Variants in DRC11 observed in about 807,000 individuals in gnomAD.
DRC11 encodes the protein dynein regulatory complex subunit 11.
chr2:236,465,893 G>C, the DRC11 span, among the ~76,000 whole-genome samples: 1 of 152,146 alleles, frequency 6.6e-6, no homozygotes, highest in Non-Finnish European at 1.5e-5. The surrounding 1 kb of genome is among the most constrained non-coding windows in gnomAD (Gnocchi z 6.2). Flanking sequence ...TTAATCCAAA[G>C]TCCCTGACAT....
chr2:236,480,692 T>G, the DRC11 span, among the ~76,000 whole-genome samples: 1 of 152,246 alleles, frequency 6.6e-6, no homozygotes, highest in Non-Finnish European at 1.5e-5. Context: ...ATTGATCTGA[T>G]GGCACACATG....
the DRC11 span, chr2:236,368,176 C>T: frequency 3.0e-5 from 45 of 1,481,814 alleles, 1 homozygote; most frequent in East Asian, 1.4e-4. Flanking sequence ...GGCACATCCG[C>T]GCACGCCGAG....
the DRC11 span, among the ~76,000 whole-genome samples, chr2:236,503,039 T>C: frequency 1.3e-5 from 2 of 152,176 alleles, no homozygotes; most frequent in Admixed American, 1.3e-4. This position sits in a 1 kb window ranked among gnomAD's most constrained non-coding sequence, Gnocchi z 4.9. Flanking sequence ...TCAGTAACAA[T>C]AGACTAAAGA....
the DRC11 span, among the ~76,000 whole-genome samples, chr2:236,492,580 T>A: frequency 2.0e-5 from 3 of 152,362 alleles, no homozygotes; most frequent in African/African-American, 7.2e-5. Flanking sequence ...TTACTCATAG[T>A]GCCCCTTTCA....
At chr2:236,344,529 C>CAAA in the DRC11 span, 1 of 1,567,760 alleles carries the variant, frequency 6.4e-7, no homozygotes, top group Admixed American at 1.7e-5. Flanking sequence ...AAAGAAAAGG[C>CAAA]AAAAGTAAGG....
the DRC11 span, chr2:236,346,635 A>C: frequency 7.7e-5 from 13 of 169,240 alleles, no homozygotes; most frequent in Non-Finnish European, 1.6e-4. Context: ...GTGGGGAGCT[A>C]GTCGGGCATG....
the DRC11 span, among the ~76,000 whole-genome samples, chr2:236,445,702 A>C: frequency 2.0e-5 from 3 of 152,142 alleles, no homozygotes; most frequent in Non-Finnish European, 4.4e-5. This position sits in a 1 kb window ranked among gnomAD's most constrained non-coding sequence, Gnocchi z 4.8. Flanking sequence ...AATTAGTCAT[A>C]ATCTGAAATT....
chr2:236,357,034 TATATTC>T, the DRC11 span, among the ~76,000 whole-genome samples: 1 of 97,790 alleles, frequency 1.0e-5, no homozygotes, highest in Non-Finnish European at 2.3e-5. Flanking sequence ...TATATATTTA[TATATTC>T]ATATATTATA....
At chr2:236,307,733 G>A in the DRC11 span, among the ~76,000 whole-genome samples, 1 of 152,274 alleles carries the variant, frequency 6.6e-6, no homozygotes, top group East Asian at 1.9e-4. The surrounding 1 kb of genome is among the most constrained non-coding windows in gnomAD (Gnocchi z 7.0). Flanking sequence ...CGGTGTTGAG[G>A]GTGTGGAATT....
chr2:236,377,278 A>G, the DRC11 span: 2 of 712,580 alleles, frequency 2.8e-6, no homozygotes, highest in South Asian at 3.8e-5. This position sits in a 1 kb window ranked among gnomAD's most constrained non-coding sequence, Gnocchi z 4.9. Context: ...AACTTAAACC[A>G]GATCTATTTC....
chr2:236,387,989 C>T, the DRC11 span, among the ~76,000 whole-genome samples: 1 of 151,956 alleles, frequency 6.6e-6, no homozygotes, highest in Non-Finnish European at 1.5e-5. Flanking sequence ...GAATATTGGC[C>T]CCCACTCTCT....
the DRC11 span, among the ~76,000 whole-genome samples, chr2:236,380,192 G>A: frequency 1.3e-4 from 20 of 152,238 alleles, no homozygotes; most frequent in African/African-American, 4.8e-4. This position sits in a 1 kb window ranked among gnomAD's most constrained non-coding sequence, Gnocchi z 4.9. Flanking sequence ...CATTCCTTCC[G>A]CGGCAGGAGC....
chr2:236,324,940 T>G, the DRC11 span, among the ~76,000 whole-genome samples: 1 of 152,228 alleles, frequency 6.6e-6, no homozygotes, highest in Non-Finnish European at 1.5e-5. The surrounding 1 kb of genome is among the most constrained non-coding windows in gnomAD (Gnocchi z 5.7). Context: ...TCTCAGTGGG[T>G]TTTCCAGACT....
chr2:236,383,181 G>C, the DRC11 span, among the ~76,000 whole-genome samples: 1 of 152,068 alleles, frequency 6.6e-6, no homozygotes, highest in African/African-American at 2.4e-5. Flanking sequence ...GGTCTTGGTA[G>C]GTTGTATATT....
At chr2:236,501,197 C>A in the DRC11 span, among the ~76,000 whole-genome samples, 10 of 152,066 alleles carry the variant, frequency 6.6e-5, no homozygotes, top group African/African-American at 2.4e-4. Context: ...TTTAAACAAC[C>A]AGTTCTCATG....
the DRC11 span, among the ~76,000 whole-genome samples, chr2:236,396,642 TA>T: frequency 6.6e-6 from 1 of 152,196 alleles, no homozygotes; most frequent in Non-Finnish European, 1.5e-5. Context: ...TTTGCTTGTA[TA>T]GAAATAATAC....
chr2:236,359,188 C>A, the DRC11 span, among the ~76,000 whole-genome samples: 73 of 152,016 alleles, frequency 4.8e-4, no homozygotes, highest in African/African-American at 1.7e-3. The surrounding 1 kb of genome is among the most constrained non-coding windows in gnomAD (Gnocchi z 4.3). Context: ...CTGCTTTCCT[C>A]CCCTAGTAGA....
chr2:236,407,148 C>T, the DRC11 span, among the ~76,000 whole-genome samples: 3 of 152,186 alleles, frequency 2.0e-5, no homozygotes, highest in Admixed American at 2.0e-4. Flanking sequence ...GCTTTGAGGG[C>T]TGCAGAGTGC....
At chr2:236,373,188 T>A in the DRC11 span, among the ~76,000 whole-genome samples, 1 of 152,074 alleles carries the variant, frequency 6.6e-6, no homozygotes, top group African/African-American at 2.4e-5. Flanking sequence ...TGTCACCTCA[T>A]TTCTGGGTTT....
Sources: gnomAD v4.1 joint callset for allele counts (sites outside exome capture counted in the v4.1 genomes callset) on GRCh38, gnomAD v4.1.1 for gene constraint, Gnocchi (gnomAD v3.1) non-coding constraint, MANE v1.5 for transcripts, NCBI Gene and HGNC (gene_info 2026-07-23, HGNC 2026-07-21) for gene names.